ZNF254: variants seen among roughly 807,000 people sequenced by gnomAD.
ZNF254 encodes CTD-2017D11.1.
In ZNF254, 10 loss-of-function variants were observed where a neutral mutation model predicts 12.4. The ratio of observed to expected loss-of-function variants is 0.80; its 90% confidence interval spans 0.50 to 1.36. The LOEUF is 1.36. Among genes scored for constraint, ZNF254 ranks in the 40% most tolerant of loss-of-function variants. The pLI is 0.00. For missense variants in ZNF254, 996 were observed against 763.9 expected, an observed-to-expected ratio of 1.30 and a Z score of -3.58; for synonymous variants, 305 against 253.4, an observed-to-expected ratio of 1.20 and a Z score of -1.93.
At position 24,046,862 on chromosome 19, in the gene ZNF254, CT is replaced by C. The variant is rs756475156; in HGVS notation, c.-94+598del. On this transcript the variant is annotated intron_variant, in intron 2 of 4. Coordinates refer to the ZNF254 transcript ENST00000613065. ...CTATTTTTTTCATCTTTCATCTTTC[CT>C]TTTTTTTTTTTTTTCCCTTGAGATA... is the stretch of plus-strand genomic sequence containing the variant. Among the ~76,000 whole-genome samples the C allele has an allele frequency of 6.1e-3, 847 of 139,758 alleles. 7 individuals are homozygous for C. Among genetic ancestry groups the C allele is most frequent in the African/African-American group, 0.017 (664 of 38,240 alleles). 91.7% of individuals were successfully genotyped at this position (139,758 alleles called of 152,430 possible). A position where few individuals can be genotyped will look rare whatever the true frequency, so the allele number is the denominator to read the frequency against.
At chr19:24,121,237 TATTG>T (rs1443096328) in intron 3 of ZNF254, among the ~76,000 whole-genome samples, 1 of 152,196 alleles carries the variant, frequency 6.6e-6, no homozygotes, top group Non-Finnish European at 1.5e-5. Flanking sequence ...GTAACCACTG[TATTG>T]TTTTTTTTTC....
intron 3 of ZNF254, among the ~76,000 whole-genome samples, chr19:24,112,250 A>C (rs1368447308): frequency 3.1e-3 from 396 of 127,988 alleles, no homozygotes; most frequent in African/African-American, 0.011. Context: ...GTCAAAGATC[A>C]GATAGTTGTA....
intron 3 of ZNF254, among the ~76,000 whole-genome samples, chr19:24,125,409 A>T (rs1171191765): frequency 1.3e-5 from 2 of 151,732 alleles, no homozygotes. Flanking sequence ...ATTAATGTAT[A>T]CATCTTTTTT....
At chr19:24,050,586 C>T (rs749328498) in intron 2 of ZNF254, among the ~76,000 whole-genome samples, 1 of 152,204 alleles carries the variant, frequency 6.6e-6, no homozygotes, top group Non-Finnish European at 1.5e-5. Context: ...TGACTTACTG[C>T]TGAATTTAGC....
At chr19:24,050,722 G>T (rs1970614243) in intron 2 of ZNF254, among the ~76,000 whole-genome samples, 2 of 152,120 alleles carry the variant, frequency 1.3e-5, no homozygotes, top group South Asian at 4.1e-4. Context: ...GTGACATATT[G>T]CTTGGCCAAG....
At chr19:24,074,571 G>A (rs1357949136) in intron 2 of ZNF254, among the ~76,000 whole-genome samples, 1 of 152,160 alleles carries the variant, frequency 6.6e-6, no homozygotes, top group Non-Finnish European at 1.5e-5. Context: ...CCTGGGATAA[G>A]CACACAGGCT....
At chr19:24,083,325 A>G (rs1157394459), upstream of ZNF254, among the ~76,000 whole-genome samples, 1 of 152,330 alleles carries the variant, frequency 6.6e-6, no homozygotes, top group East Asian at 1.9e-4. Context: ...GATGACACAT[A>G]CAAATAAAAA....
chr19:24,128,119 A>G lies in ZNF254; in HGVS notation c.*139A>G, dbSNP rs1335730803. 7.1e-6 allele frequency: 6 copies of G among 842,118 alleles called. No individual in the cohort carries two copies. Among genetic ancestry groups the G allele is most frequent in the Non-Finnish European group, 8.4e-6 (5 of 597,992 alleles). 52.2% of individuals were successfully genotyped at this position (842,118 alleles called of 1,614,324 possible). ...ACTTTAAAGAAAATCATTCTGCTGA[A>G]AAATCCTAGAAATGTGAAGAATGTG... On this transcript the variant is annotated 3_prime_UTR_variant, in exon 4 of 4. Coordinates refer to ENST00000357002, the MANE Select transcript of ZNF254 (RefSeq NM_203282.4).
At chr19:24,036,471 G>A (rs1599560173) in intron 1 of ZNF254, among the ~76,000 whole-genome samples, 1 of 152,220 alleles carries the variant, frequency 6.6e-6, no homozygotes, top group South Asian at 2.1e-4. Context: ...TGAGACCCTA[G>A]GAATTGTGAC....
rs566196436 is a variant in ZNF254, at chr19:24,115,534, G to A, written c.253+8891G>A. On this transcript the variant is annotated intron_variant, in intron 3 of 3. Transcript: ENST00000357002. ...CTCTGGGGATTGATGTGGGATGGGG[G>A]GATGGGGGAGGGATAGCATTGGGAG... Among the ~76,000 whole-genome samples the A allele has an allele frequency of 1.1e-4, 16 of 149,166 alleles. No individual in the cohort carries two copies. In the South Asian group the frequency reaches 3.2e-3, roughly 30 times the overall value.
intron 2 of ZNF254, among the ~76,000 whole-genome samples, chr19:24,052,287 A>T (rs1335711182): frequency 2.6e-5 from 4 of 152,178 alleles, no homozygotes; most frequent in African/African-American, 9.7e-5. Flanking sequence ...GGAACCACCC[A>T]CAGAAGTATT....
chr19:24,036,784 G>T (rs868749047), intron 1 of ZNF254, among the ~76,000 whole-genome samples: 7 of 152,154 alleles, frequency 4.6e-5, no homozygotes, highest in African/African-American at 1.7e-4. Flanking sequence ...GGGCTTGGAA[G>T]AAAGAAGTTC....
At chr19:24,114,028 G>C (rs1338536210) in intron 3 of ZNF254, among the ~76,000 whole-genome samples, 1 of 151,412 alleles carries the variant, frequency 6.6e-6, no homozygotes, top group African/African-American at 2.4e-5. Context: ...AAATAAAAGA[G>C]GATACAAACA....
chr19:24,097,448 C>T (rs1191005482), intron 1 of ZNF254, among the ~76,000 whole-genome samples: 1 of 151,932 alleles, frequency 6.6e-6, no homozygotes, highest in Non-Finnish European at 1.5e-5. Flanking sequence ...CCATGGTGAT[C>T]GTTTGCAGGC....
At chr19:24,083,460 T>C (rs576186999), upstream of ZNF254, among the ~76,000 whole-genome samples, 1 of 151,640 alleles carries the variant, frequency 6.6e-6, no homozygotes, top group South Asian at 2.1e-4. Flanking sequence ...ACTAAAAAAC[T>C]CTAAAATTCA....
chr19:24,085,787 G>T (rs1972017320), upstream of ZNF254, among the ~76,000 whole-genome samples: 1 of 151,304 alleles, frequency 6.6e-6, no homozygotes, highest in African/African-American at 2.4e-5. Flanking sequence ...AAAAAACAGT[G>T]TATAAACAAA....
At chr19:24,112,679 T>A (rs946190510) in intron 3 of ZNF254, among the ~76,000 whole-genome samples, 7 of 152,226 alleles carry the variant, frequency 4.6e-5, no homozygotes, top group African/African-American at 1.7e-4. Flanking sequence ...CCTTGTAAGT[T>A]GGATTCCTAG....
intron 2 of ZNF254, among the ~76,000 whole-genome samples, chr19:24,048,203 T>A (rs1263430580): frequency 6.6e-6 from 1 of 151,972 alleles, no homozygotes; most frequent in Admixed American, 6.6e-5. Context: ...TTGTGGCCGC[T>A]GGCCACACGT....
At chr19:24,082,671 C>A (rs894783891), upstream of ZNF254, among the ~76,000 whole-genome samples, 128 of 144,970 alleles carry the variant, frequency 8.8e-4, 1 homozygote, top group African/African-American at 3.2e-3. Context: ...AAAAAAAAAC[C>A]CAAAAAACTA....
Sources: gnomAD v4.1 joint callset for allele counts (sites outside exome capture counted in the v4.1 genomes callset) on GRCh38, gnomAD v4.1.1 for gene constraint, MANE v1.5 for transcripts, NCBI Gene and HGNC (gene_info 2026-07-23, HGNC 2026-07-21) for gene names.